The following NLRC5 variants were observed in gnomAD, a reference collection of about 807,000 sequenced individuals.
NLRC5 encodes the protein NLR family CARD domain containing 5.
Under a neutral mutation model 206.9 loss-of-function variants are expected in NLRC5, and 114 were observed. The ratio of observed to expected loss-of-function variants is 0.55; its 90% CI spans 0.47 to 0.64. The LOEUF is 0.64. Among genes scored for constraint, NLRC5 ranks in the 30% least tolerant of loss-of-function variants. NLRC5 has a pLI of 0.00. For synonymous variants in NLRC5, 952 were observed against 962.8 expected (o/e 0.99, Z 0.21); for missense variants, 2,008 against 2,305.5 (o/e 0.87, Z 2.64).
At chr16:57,054,912 G>A (rs1253648255) in intron 25 of NLRC5, 72 bp downstream of exon 25, 9 of 1,581,040 alleles carry the variant, frequency 5.7e-6, no homozygotes, top group Non-Finnish European at 7.8e-6. Context: ...GTATGAGGGG[G>A]TAGGATGAAG....
rs114791364 is a variant in NLRC5 at position 57,064,053 on chromosome 16, A to C, written c.4155-1159A>C. Reference sequence around the variant, plus strand: ...GCACCCAGCCAAAATAACATTTTCAAATAAAACTTTTCTTAGTCTAAAAAT... The same window carrying C: ...GCACCCAGCCAAAATAACATTTTCACATAAAACTTTTCTTAGTCTAAAAAT... On this transcript the variant is annotated intron_variant, in intron 32 of 48. Coordinates refer to ENST00000688547, the MANE Select transcript of NLRC5 (RefSeq NM_001384950.1). Among the ~76,000 whole-genome samples the C allele has an allele frequency of 3.3e-3, 506 of 152,080 alleles. 1 individual carries two copies. The highest frequency in any genetic ancestry group is 0.012 in the African/African-American group (484 of 41,514).
At position 57,025,993 on chromosome 16, in the gene NLRC5, GCTGC is replaced by G. The variant is rs769045410; in HGVS notation, c.1067_1070del (p.Pro356GlnfsTer20). 6.2e-7 allele frequency: 1 copy of G among 1,613,914 alleles called. No individual in the cohort carries two copies. The highest frequency in any genetic ancestry group is 8.5e-7 in the Non-Finnish European group (1 of 1,179,950). ...TGATGGCTACCTCCCGTCCAGGGAAGCTGCCTGCCTGCCTGCCTGCAGAGGCAGC... is the reference window on the plus strand; with the variant it reads ...TGATGGCTACCTCCCGTCCAGGGAAGCTGCCTGCCTGCCTGCAGAGGCAGC... On this transcript the variant is annotated frameshift_variant, in exon 6 of 49. Coordinates refer to ENST00000688547, the MANE Select transcript of NLRC5 (RefSeq NM_001384950.1). LOFTEE classifies it high-confidence loss of function.
At chr16:57,070,740 A>T in intron 38 of NLRC5, 122 bp downstream of exon 38, 15 of 668,586 alleles carry the variant, frequency 2.2e-5, no homozygotes, top group East Asian at 3.4e-5. Flanking sequence ...GGGTTGGTTA[A>T]TGGGGAATGG....
rs184962690 is a variant in NLRC5 at position 57,037,413 on chromosome 16, C to T, written c.2801+129C>T. Reference sequence around the variant, plus strand: ...TGCTGCTGCTGTCCCACCCAGACCCCGTTACAGCCGGCACCCCTCTTCCTA... The same window carrying T: ...TGCTGCTGCTGTCCCACCCAGACCCTGTTACAGCCGGCACCCCTCTTCCTA... On this transcript the variant is annotated intron_variant, in intron 15 of 48. Transcript: ENST00000688547. 173 of 802,210 alleles carry T rather than the reference C, an allele frequency of 2.2e-4. No individual in the cohort carries two copies. The Admixed American group carries it at 3.3e-3, about 15-fold the overall frequency. 49.7% of individuals were successfully genotyped at this position (802,210 alleles called of 1,614,324 possible).
In NLRC5 at chr16:57,042,020, G is replaced by T; in HGVS notation, c.3068G>T (p.Arg1023Leu). The change falls in exon 19 of 49, where the codon CGG (arginine) becomes CTG (leucine). Residue 1023 changes from arginine to leucine, a missense_variant. By Grantham distance (102) the Arg-to-Leu change is moderately radical. Coordinates refer to ENST00000688547, the MANE Select transcript of NLRC5 (RefSeq NM_001384950.1). ...GNALGDEGAA[R>L]LAQLLPGLGA... ...GCTCTGGGGGATGAAGGTGCAGCCC[G>T]GCTGGCTCAGCTGCTCCCAGGGCTG... is the stretch of plus-strand genomic sequence containing the variant. The T allele has an allele frequency of 6.3e-7, 1 of 1,575,052 alleles. No homozygotes were observed. Among genetic ancestry groups the T allele is most frequent in the Non-Finnish European group, 8.6e-7 (1 of 1,164,348 alleles).
At chr16:57,011,242 G>A (rs369742536) in intron 1 of NLRC5, among the ~76,000 whole-genome samples, 1 of 151,840 alleles carries the variant, frequency 6.6e-6, no homozygotes, top group East Asian at 1.9e-4. Flanking sequence ...GTGAAACCCC[G>A]TCTCTACTAA....
Position 57,070,576 on chromosome 16 carries a change from T to A in NLRC5, c.4625T>A (p.Leu1542Gln). ...NQFDEEGTKA[L>Q]MRALEGKWML... The stretch of plus-strand genomic sequence containing the variant: ...TTTGATGAGGAGGGCACCAAGGCGC[T>A]GATGAGGGCCCTTGAGGGGAAATGG... Residue 1542 changes from leucine (L) to glutamine (Q), a missense_variant, in exon 38 of 49, where the codon CTG becomes CAG. Coordinates refer to ENST00000688547, the MANE Select transcript of NLRC5 (RefSeq NM_001384950.1). 6.2e-7 allele frequency: 1 copy of A among 1,614,088 alleles called. No homozygotes were observed. Among genetic ancestry groups the A allele is most frequent in the Non-Finnish European group, 8.5e-7 (1 of 1,180,012 alleles).
At chr16:57,047,748 C>A in intron 23 of NLRC5, 120 bp downstream of exon 23, 1 of 845,026 alleles carries the variant, frequency 1.2e-6, no homozygotes, top group Non-Finnish European at 1.9e-6. Context: ...ACCAGCCCTG[C>A]CCCATGAGAG....
At position 57,031,644 on chromosome 16, in the gene NLRC5, C is replaced by T. The variant is rs289754; in HGVS notation, c.2477+181C>T. 0.22 allele frequency among the ~76,000 whole-genome samples: 33,050 copies of T among 150,380 alleles called. 4,456 individuals are homozygous for T. Among genetic ancestry groups the T allele is most frequent in the Non-Finnish European group, 0.3 (20,530 of 67,606 alleles). On this transcript the variant is annotated intron_variant, in intron 11 of 48. Coordinates refer to ENST00000688547, the MANE Select transcript of NLRC5 (RefSeq NM_001384950.1). ...GGCAAAGGATTTTAACTTCCTCTAG[C>T]GTGTCCAGACCACATCTGGTCCCTG...
rs201836836 is a variant in NLRC5 at position 57,081,156 on chromosome 16, C to A, written c.5380C>A (p.Gln1794Lys). ...TGCCGAGCTGGCCCAGGTGCTGCCG[C>A]AGATGGGCCGGCTGAAGAGAGTGGA... ...AAAELAQVLP[Q>K]MGRLKRVDLE... Residue 1794 changes from glutamine to lysine, a missense_variant, in exon 47 of 49, where the codon CAG becomes AAG. By Grantham distance (53) the Gln-to-Lys change is moderately conservative. Transcript: ENST00000688547. 741 of 1,544,140 alleles carry A rather than the reference C, an allele frequency of 4.8e-4. 1 individual carries two copies. The highest frequency in any genetic ancestry group is 1.6e-4 in the Non-Finnish European group (189 of 1,147,616).
At chr16:57,000,262 G>T (rs1185931347) in intron 1 of NLRC5, among the ~76,000 whole-genome samples, 2 of 152,164 alleles carry the variant, frequency 1.3e-5, no homozygotes, top group Non-Finnish European at 2.9e-5. Flanking sequence ...GCTCAGGCTG[G>T]CAGTAGGGCA....
At chr16:57,057,762 G>A (rs530045218) in intron 27 of NLRC5, among the ~76,000 whole-genome samples, 9 of 152,212 alleles carry the variant, frequency 5.9e-5, no homozygotes, top group Admixed American at 2.0e-4. Flanking sequence ...AGCAGAGAAC[G>A]TAGGAGTTGC....
In NLRC5 at chr16:57,036,169, C is replaced by T. The variant is rs756449050; in HGVS notation, c.2697C>T (p.Ile899=). 27 of 1,613,156 alleles carry T rather than the reference C, an allele frequency of 1.7e-5. No individual in the cohort carries two copies. Among genetic ancestry groups the T allele is most frequent in the Admixed American group, 3.3e-5 (2 of 60,000 alleles). The change falls in exon 14 of 49, where the codon ATC becomes ATT. Residue 899 remains isoleucine, a synonymous_variant. Transcript: ENST00000688547. The stretch of plus-strand genomic sequence containing the variant: ...CAGAGGCTGCATCCCAGCTGCACAT[C>T]GCCAGGAAGCTGGAGTGAGTTGTCC... The part of the protein sequence containing the change: ...LMAEAASQLH[I]ARKLDLSNNG...
Position 57,073,212 on chromosome 16 carries a change from G to C in NLRC5, c.4668-1388G>C, listed in dbSNP as rs1597447778. On this transcript the variant is annotated intron_variant, in intron 38 of 48. Transcript: ENST00000688547. ...CCTGATTTCCCAGGCACCATGTGCT[G>C]CTCCTTACCTCCTGCTGCCTTAGTT... 2.6e-5 allele frequency among the ~76,000 whole-genome samples: 4 copies of C among 152,340 alleles called. No individual in the cohort carries two copies. The South Asian group carries it at 8.3e-4, about 32-fold the overall frequency.
At chr16:57,062,950 T>C (rs1189970222) in intron 32 of NLRC5, among the ~76,000 whole-genome samples, 4 of 152,160 alleles carry the variant, frequency 2.6e-5, no homozygotes, top group Middle Eastern at 3.4e-3. Flanking sequence ...TTCTGCTTTC[T>C]GTCTCTATGA....
chr16:57,073,888 C>T lies in NLRC5; in HGVS notation c.4668-712C>T, dbSNP rs141065781. On this transcript the variant is annotated intron_variant, in intron 38 of 48. Transcript: ENST00000688547. Reference sequence around the variant, plus strand: ...GGATTACAGGCATGAGCCATTGCGCCCAGCCAGTTCTGTTTCTTAATGTGT... The same window carrying T: ...GGATTACAGGCATGAGCCATTGCGCTCAGCCAGTTCTGTTTCTTAATGTGT... Among the ~76,000 whole-genome samples the T allele has an allele frequency of 4.0e-3, 617 of 152,374 alleles. 2 individuals carry two copies. Among genetic ancestry groups the T allele is most frequent in the Non-Finnish European group, 6.1e-3 (414 of 68,038 alleles).
intron 21 of NLRC5, 71 bp downstream of exon 21, chr16:57,045,563 C>A (rs557152334): frequency 1.4e-6 from 2 of 1,465,102 alleles, no homozygotes; most frequent in Non-Finnish European, 1.9e-6. Context: ...GGTCCCCCCA[C>A]CCCCAGACCC....
In NLRC5 at chr16:57,018,979, G is replaced by A. The variant is rs188477009; in HGVS notation, c.-12-1722G>A. Among the ~76,000 whole-genome samples, 7 of 152,266 alleles carry A rather than the reference G, an allele frequency of 4.6e-5. No individual in the cohort carries two copies. In the East Asian group the frequency reaches 5.8e-4, roughly 13 times the overall value. On this transcript the variant is annotated intron_variant, in intron 2 of 48. Transcript: ENST00000688547. ...AAATATTGTATATACGTTCATGATC[G>A]TTTGCCAAGGTTAGAGTCCTAGAAA...
In NLRC5 at chr16:57,061,774, G is replaced by A; in HGVS notation, c.4154+73G>A. 1.9e-6 allele frequency: 3 copies of A among 1,565,856 alleles called. No homozygotes were observed. The East Asian group carries it at 6.9e-5, about 36-fold the overall frequency. On this transcript the variant is annotated intron_variant, in intron 32 of 48. Coordinates refer to ENST00000688547, the MANE Select transcript of NLRC5 (RefSeq NM_001384950.1). ...AGCAGGGGTGGGCACTGGAGTAAGA[G>A]GCCCCCAGGATCATGGCCCCAGTCA...
Sources: allele counts gnomAD v4.1 joint callset (sites outside exome capture counted in the v4.1 genomes callset), GRCh38; gene constraint gnomAD v4.1.1; transcripts MANE v1.5; gene names NCBI Gene and HGNC (gene_info 2026-07-23, HGNC 2026-07-21).